The following CORIN variants were observed in gnomAD, a reference collection of about 807,000 sequenced individuals.
The protein encoded by CORIN is atrial natriuretic peptide-converting enzyme.
CORIN carries 117 observed loss-of-function variants against 125.3 expected under a neutral mutation model. The ratio of observed to expected loss-of-function variants is 0.93; its 90% CI spans 0.80 to 1.09. CORIN has a LOEUF of 1.09. Among genes scored for constraint, CORIN ranks in the 50% least tolerant of loss-of-function variants. The pLI, the probability that CORIN is intolerant of heterozygous loss-of-function variation, is 0.00. For synonymous variants in CORIN, 450 were observed against 466.4 expected (o/e 0.96, Z 0.45); for missense variants, 1,253 against 1,306.7 (o/e 0.96, Z 0.63).
At chr4:47,795,310 T>C (rs926142067) in intron 2 of CORIN, among the ~76,000 whole-genome samples, 2 of 152,108 alleles carry the variant, frequency 1.3e-5, no homozygotes, top group African/African-American at 4.8e-5. Flanking sequence ...AGGATTGTTT[T>C]ATCTGAAAAA....
chr4:47,817,460 C>G (rs1577949057), intron 1 of CORIN, among the ~76,000 whole-genome samples: 2 of 152,076 alleles, frequency 1.3e-5, no homozygotes, highest in African/African-American at 2.4e-5. Flanking sequence ...CAAACATGGT[C>G]CATGTAGGAC....
At chr4:47,817,494 A>G (rs1174141921) in intron 1 of CORIN, among the ~76,000 whole-genome samples, 2 of 152,148 alleles carry the variant, frequency 1.3e-5, no homozygotes, top group African/African-American at 4.8e-5. Flanking sequence ...CAGTCTCTGC[A>G]GCCTATGCCA....
intron 5 of CORIN, among the ~76,000 whole-genome samples, chr4:47,716,778 C>T (rs1436478729): frequency 6.6e-6 from 1 of 151,960 alleles, no homozygotes; most frequent in African/African-American, 2.4e-5. Context: ...TATTTCTGTG[C>T]ATCAACTTTT....
At chr4:47,637,106 T>C (rs1231399753) in intron 16 of CORIN, among the ~76,000 whole-genome samples, 1 of 152,216 alleles carries the variant, frequency 6.6e-6, no homozygotes, top group Non-Finnish European at 1.5e-5. Context: ...TGTTATGTTT[T>C]ACCAAAGAGA....
chr4:47,798,508 A>C (rs1280228776), intron 2 of CORIN, among the ~76,000 whole-genome samples: 4 of 152,114 alleles, frequency 2.6e-5, no homozygotes, highest in African/African-American at 9.7e-5. Context: ...AGCATTTTTT[A>C]AAGTAAGCAA....
At chr4:47,597,309 A>G (rs1263595845) in intron 21 of CORIN, among the ~76,000 whole-genome samples, 6 of 149,884 alleles carry the variant, frequency 4.0e-5, no homozygotes, top group African/African-American at 7.4e-5. Context: ...CTGAGATCAC[A>G]CCACTGCACT....
intron 5 of CORIN, among the ~76,000 whole-genome samples, chr4:47,729,024 CGGA>C (rs1319302952): frequency 6.6e-6 from 1 of 152,146 alleles, no homozygotes; most frequent in Non-Finnish European, 1.5e-5. Context: ...ACAAGAATTA[CGGA>C]GCCCGCAGAG....
intron 13 of CORIN, among the ~76,000 whole-genome samples, chr4:47,645,711 G>A (rs1464008043): frequency 6.6e-6 from 1 of 151,806 alleles, no homozygotes; most frequent in African/African-American, 2.4e-5. Context: ...CCAAGATGGT[G>A]AAACCCCATC....
At chr4:47,657,535 CAA>C (rs35311151) in intron 12 of CORIN, among the ~76,000 whole-genome samples, 38 of 82,154 alleles carry the variant, frequency 4.6e-4, no homozygotes, top group Middle Eastern at 6.4e-3. Flanking sequence ...ACTCCGTCTC[CAA>C]AAAAAAAAAA....
At chr4:47,606,037 G>A (rs1171484849) in intron 19 of CORIN, among the ~76,000 whole-genome samples, 1 of 151,994 alleles carries the variant, frequency 6.6e-6, no homozygotes, top group Non-Finnish European at 1.5e-5. Context: ...TCAGAGGAAC[G>A]GACATCATTC....
intron 7 of CORIN, chr4:47,683,415 C>T (rs1186205157): frequency 9.7e-6 from 2 of 205,558 alleles, no homozygotes; most frequent in African/African-American, 4.7e-5. Context: ...TAACGTAAGC[C>T]ACTGGCTCTA....
chr4:47,759,445 T>C (rs1729345569), intron 4 of CORIN, among the ~76,000 whole-genome samples: 1 of 151,910 alleles, frequency 6.6e-6, no homozygotes, highest in Non-Finnish European at 1.5e-5. Context: ...TGGGAGAAAA[T>C]ATTTGCAAGC....
intron 5 of CORIN, among the ~76,000 whole-genome samples, chr4:47,699,592 G>A (rs1560510970): frequency 6.6e-6 from 1 of 152,178 alleles, no homozygotes; most frequent in Non-Finnish European, 1.5e-5. Context: ...CATTATACGT[G>A]CAAGTTAGAT....
intron 5 of CORIN, among the ~76,000 whole-genome samples, chr4:47,722,317 A>G (rs1432034183): frequency 1.3e-5 from 2 of 152,224 alleles, no homozygotes; most frequent in African/African-American, 4.8e-5. Flanking sequence ...ATCAATTTCC[A>G]CACCCTTAAA....
At chr4:47,809,469 A>G (rs1268669169) in intron 1 of CORIN, among the ~76,000 whole-genome samples, 2 of 147,068 alleles carry the variant, frequency 1.4e-5, no homozygotes, top group African/African-American at 5.2e-5. Flanking sequence ...CAGTGGCACA[A>G]TCTTGGCTCA....
At chr4:47,691,381 CTTCCCAGTGTAAATACACAGCCTACAA>C (rs778300310) in intron 6 of CORIN, among the ~76,000 whole-genome samples, 5 of 152,218 alleles carry the variant, frequency 3.3e-5, no homozygotes, top group Non-Finnish European at 5.9e-5. Flanking sequence ...CACAGCAACA[CTTCCCAGTGTAAATACACAGCCTACAA>C]AAATGTTTTT....
intron 4 of CORIN, among the ~76,000 whole-genome samples, chr4:47,761,087 T>C (rs1729426651): frequency 6.6e-6 from 1 of 152,228 alleles, no homozygotes; most frequent in Non-Finnish European, 1.5e-5. Flanking sequence ...ACTTTCTCCA[T>C]ATCAGCAATA....
At chr4:47,618,756 T>C (rs1315066180) in intron 19 of CORIN, among the ~76,000 whole-genome samples, 6 of 151,690 alleles carry the variant, frequency 4.0e-5, no homozygotes, top group Non-Finnish European at 5.9e-5. Context: ...GAGGCGGAGC[T>C]TGCAGTGAGC....
At chr4:47,668,978 TA>T (rs1724606747) in intron 10 of CORIN, among the ~76,000 whole-genome samples, 1 of 152,214 alleles carries the variant, frequency 6.6e-6, no homozygotes, top group South Asian at 2.1e-4. Flanking sequence ...TAAGCTTTTT[TA>T]TCTTAAGCAT....
Sources: allele counts gnomAD v4.1 joint callset (sites outside exome capture counted in the v4.1 genomes callset), GRCh38; gene constraint gnomAD v4.1.1; transcripts MANE v1.5; gene names NCBI Gene and HGNC (gene_info 2026-07-23, HGNC 2026-07-21).